Variants in TLN2 observed in about 807,000 individuals in gnomAD.
TLN2 encodes the protein talin-2.
TLN2 carries 118 observed loss-of-function variants against 294.7 expected under a neutral mutation model. The observed-to-expected ratio is 0.40, with a 90% CI of 0.34 to 0.47. The LOEUF (loss-of-function observed/expected upper bound fraction) is 0.47, where lower values mean the gene tolerates loss of function less well. Among genes scored for constraint, TLN2 ranks in the 20% least tolerant of loss-of-function variants. TLN2 has a pLI of 0.84. For synonymous variants in TLN2, 1,431 were observed against 1,304.5 expected, an observed-to-expected ratio of 1.10 and a Z score of -2.09; for missense variants, 3,083 against 3,282.2, an observed-to-expected ratio of 0.94 and a Z score of 1.48.
intron 8 of TLN2, among the ~76,000 whole-genome samples, chr15:62,656,719 G>A (rs993325464): frequency 1.8e-4 from 28 of 152,082 alleles, no homozygotes; most frequent in African/African-American, 6.5e-4. Flanking sequence ...TCTGCCCATA[G>A]AAATAATGTA....
chr15:62,702,761 C>T lies in TLN2; in HGVS notation c.1906-5C>T, dbSNP rs774074307. ...TTCCAATTAAGGTGTGTTGTTTGTT[C>T]ACAGCCTCGACAGACAGTTTTGACT... On this transcript the variant is annotated splice_region_variant and splice_polypyrimidine_tract_variant and intron_variant, in intron 18 of 58. Coordinates refer to ENST00000636159, the MANE Select transcript of TLN2 (RefSeq NM_015059.3). The T allele has an allele frequency of 6.2e-7, 1 of 1,613,998 alleles. No homozygotes were observed. The highest frequency in any genetic ancestry group is 8.5e-7 in the Non-Finnish European group (1 of 1,179,908).
At chr15:62,833,443 T>C (rs2069094194) in intron 54 of TLN2, 61 bp from the exon 55 acceptor site, 1 of 1,585,080 alleles carries the variant, frequency 6.3e-7, no homozygotes, top group African/African-American at 1.3e-5. Context: ...GTAAGTAGTT[T>C]GGAAGAAAGA....
chr15:62,656,814 C>T (rs1296837153), intron 8 of TLN2, among the ~76,000 whole-genome samples: 3 of 152,190 alleles, frequency 2.0e-5, no homozygotes, highest in African/African-American at 4.8e-5. Context: ...TCAAGTATTA[C>T]ATATTGATAA....
chr15:62,656,938 T>A (rs2053276893), intron 8 of TLN2, among the ~76,000 whole-genome samples: 3 of 152,230 alleles, frequency 2.0e-5, no homozygotes, highest in South Asian at 4.1e-4. Context: ...AAATGTTTAC[T>A]ATTTGGCCTT....
chr15:62,668,581 T>A (rs957099213), intron 9 of TLN2, among the ~76,000 whole-genome samples: 5 of 152,206 alleles, frequency 3.3e-5, no homozygotes, highest in African/African-American at 9.6e-5. Context: ...GGATGTTGTT[T>A]GCCTACAGGG....
intron 39 of TLN2, chr15:62,763,171 T>C (rs2062779922): frequency 6.3e-6 from 1 of 159,594 alleles, no homozygotes; most frequent in Admixed American, 6.4e-5. Flanking sequence ...GTATGCAATG[T>C]AGAAAGCATA....
At chr15:62,714,773 T>C (rs2059662498) in intron 22 of TLN2, among the ~76,000 whole-genome samples, 1 of 152,192 alleles carries the variant, frequency 6.6e-6, no homozygotes, top group Non-Finnish European at 1.5e-5. Context: ...AGAAAAAATA[T>C]ATTTCATGAT....
intron 1 of TLN2, among the ~76,000 whole-genome samples, chr15:62,402,114 C>A (rs2033071219): frequency 6.6e-6 from 1 of 152,130 alleles, no homozygotes; most frequent in African/African-American, 2.4e-5. Flanking sequence ...TGTGATGACC[C>A]AATACAAACA....
At chr15:62,805,577 A>T in intron 50 of TLN2, 23 bp from the exon 51 acceptor site, 1 of 1,564,976 alleles carries the variant, frequency 6.4e-7, no homozygotes, top group African/African-American at 1.4e-5. Flanking sequence ...GATTTTTTTA[A>T]CCTCTCTGTT....
intron 50 of TLN2, among the ~76,000 whole-genome samples, chr15:62,805,396 G>A (rs1446746320): frequency 6.6e-6 from 1 of 152,204 alleles, no homozygotes. Flanking sequence ...TGAATGTTTA[G>A]TGTAGGTGCA....
At chr15:62,631,580 C>CCTT (rs2049874323) in intron 3 of TLN2, among the ~76,000 whole-genome samples, 3 of 92,428 alleles carry the variant, frequency 3.2e-5, no homozygotes, top group African/African-American at 3.8e-5. Flanking sequence ...TCCTTTCTTT[C>CCTT]TCTCTCTTCT....
chr15:62,829,503 A>G (rs1445111546), intron 54 of TLN2: 1 of 121,912 alleles, frequency 8.2e-6, no homozygotes, highest in Non-Finnish European at 1.5e-5. Flanking sequence ...GGTCCCTCCC[A>G]TGACATGTGG....
At chr15:62,643,840 G>A (rs577747314) in intron 3 of TLN2, among the ~76,000 whole-genome samples, 2 of 152,152 alleles carry the variant, frequency 1.3e-5, no homozygotes, top group South Asian at 4.2e-4. Context: ...CAATAGACCC[G>A]GGCAGCCATG....
At chr15:62,795,992 G>A (rs1388639130) in intron 46 of TLN2, 135 bp from the exon 47 acceptor site, 9 of 1,153,174 alleles carry the variant, frequency 7.8e-6, no homozygotes, top group African/African-American at 7.8e-5. Flanking sequence ...GACTGAGGCC[G>A]TTGACTCCAG....
chr15:62,535,556 ATT>A (rs34539193), intron 1 of TLN2, among the ~76,000 whole-genome samples: 16 of 139,676 alleles, frequency 1.1e-4, no homozygotes, highest in Non-Finnish European at 1.1e-4. Context: ...AGATAACTTG[ATT>A]TTTTTTTTTT....
chr15:62,839,009 T>G (rs1178527519), intron 58 of TLN2, 28 bp downstream of exon 58: 2 of 1,607,802 alleles, frequency 1.2e-6, no homozygotes, highest in Admixed American at 1.7e-5. Context: ...GAATAGTATT[T>G]ACTTCCCGAG....
At chr15:62,580,650 A>T (rs2044882442) in intron 1 of TLN2, among the ~76,000 whole-genome samples, 1 of 151,876 alleles carries the variant, frequency 6.6e-6, no homozygotes, top group Admixed American at 6.6e-5. Context: ...AGTTCAAGTG[A>T]TCTACCTATC....
chr15:62,708,993 T>C (rs74574729), intron 21 of TLN2, among the ~76,000 whole-genome samples, 197 bp downstream of exon 21: 2,346 of 152,362 alleles, frequency 0.015, 67 homozygotes, highest in African/African-American at 0.054. Context: ...TCTACAGAGT[T>C]CACTGGGTTT....
Position 62,840,570 on chromosome 15 carries a change from A to ATAAG in TLN2, c.7591_7594dup (p.Phe2532Ter), listed in dbSNP as rs2070550765. ...CTGGCCCAAATCCGCCAGCAGCAGT[A>ATAAG]TAAGTTTTTACCCACCGAGCTGAGG... On this transcript the variant is annotated frameshift_variant, in exon 59 of 59. Transcript: ENST00000636159. LOFTEE classifies it high-confidence loss of function. 14 of 1,614,194 alleles carry ATAAG rather than the reference A, an allele frequency of 8.7e-6. No homozygotes were observed. The highest frequency in any genetic ancestry group is 1.2e-5 in the Non-Finnish European group (14 of 1,180,028).
Sources: allele counts gnomAD v4.1 joint callset (sites outside exome capture counted in the v4.1 genomes callset), GRCh38; gene constraint gnomAD v4.1.1; transcripts MANE v1.5; gene names NCBI Gene and HGNC (gene_info 2026-07-23, HGNC 2026-07-21).